Variants in IKZF2 observed in about 807,000 individuals in gnomAD.
IKZF2 encodes IKAROS family zinc finger 2.
IKZF2 carries 15 observed loss-of-function variants against 49.2 expected under a neutral mutation model. The observed-to-expected ratio is 0.30, with a 90% CI of 0.20 to 0.47. IKZF2 has a LOEUF of 0.47. IKZF2 is among the 20% of genes least tolerant of loss of function. The probability of loss-of-function intolerance (pLI) is 1.00; values close to 1 mark genes in which losing one functional copy is unlikely to be tolerated. For missense variants in IKZF2, 567 were observed against 664.6 expected, an observed-to-expected ratio of 0.85 and a Z score of 1.61; for synonymous variants, 227 against 221.4, an observed-to-expected ratio of 1.03 and a Z score of -0.23.
intron 4 of IKZF2, among the ~76,000 whole-genome samples, chr2:213,136,791 A>G (rs767600695): frequency 2.6e-5 from 4 of 152,220 alleles, no homozygotes; most frequent in Non-Finnish European, 5.9e-5. Context: ...AAAGTCAACT[A>G]TATCAAGTTT....
chr2:213,035,268 T>C (rs766297981), intron 6 of IKZF2, among the ~76,000 whole-genome samples: 2 of 152,004 alleles, frequency 1.3e-5, no homozygotes, highest in African/African-American at 2.4e-5. Context: ...TTTTTCCCTG[T>C]AGCAGTCAAC....
chr2:213,118,503 C>A (rs12989003), intron 4 of IKZF2, among the ~76,000 whole-genome samples: 2,424 of 152,192 alleles, frequency 0.016, 142 homozygotes, highest in East Asian at 0.11. Flanking sequence ...TATATTAAAA[C>A]AAAACAAAAG....
At chr2:213,024,380 T>A (rs1697568242) in intron 6 of IKZF2, among the ~76,000 whole-genome samples, 1 of 152,142 alleles carries the variant, frequency 6.6e-6, no homozygotes. Context: ...AAATGTAAAG[T>A]GGAAAACAAA....
chr2:213,151,079 A>G (rs989047245), intron 1 of IKZF2, among the ~76,000 whole-genome samples: 43 of 152,288 alleles, frequency 2.8e-4, no homozygotes, highest in African/African-American at 1.0e-3. Context: ...TTAACATCCC[A>G]GAAACAGATT....
At chr2:213,066,460 G>A (rs542811835) in intron 4 of IKZF2, among the ~76,000 whole-genome samples, 81 of 152,168 alleles carry the variant, frequency 5.3e-4, no homozygotes, top group African/African-American at 1.8e-3. Context: ...CATTGACATC[G>A]AGGCTACAAA....
chr2:213,125,712 A>G (rs564169505), intron 4 of IKZF2, among the ~76,000 whole-genome samples: 1 of 152,316 alleles, frequency 6.6e-6, no homozygotes, highest in African/African-American at 2.4e-5. Context: ...ACATAATAAC[A>G]AAAACATAGA....
intron 5 of IKZF2, among the ~76,000 whole-genome samples, chr2:213,050,668 C>T (rs974001186): frequency 3.9e-5 from 6 of 151,968 alleles, no homozygotes; most frequent in African/African-American, 1.2e-4. Flanking sequence ...ATCTTTTCTC[C>T]CCGTTTTTCT....
At chr2:213,140,481 C>T (rs2060826932) in intron 4 of IKZF2, among the ~76,000 whole-genome samples, 2 of 151,882 alleles carry the variant, frequency 1.3e-5, no homozygotes, top group African/African-American at 4.8e-5. Flanking sequence ...GTTTAGCTAA[C>T]AACCTGTAAT....
intron 6 of IKZF2, among the ~76,000 whole-genome samples, chr2:213,031,332 A>G (rs899138500): frequency 7.9e-5 from 12 of 152,220 alleles, no homozygotes; most frequent in Non-Finnish European, 1.3e-4. Flanking sequence ...CATTTGTTTT[A>G]TAATGTAATA....
At chr2:213,096,920 T>A (rs1168868675) in intron 4 of IKZF2, among the ~76,000 whole-genome samples, 1 of 152,046 alleles carries the variant, frequency 6.6e-6, no homozygotes, top group East Asian at 1.9e-4. Flanking sequence ...ATATGGTGAG[T>A]AAAACATGGT....
intron 4 of IKZF2, among the ~76,000 whole-genome samples, chr2:213,069,710 T>G (rs1574712681): frequency 6.6e-6 from 1 of 152,110 alleles, no homozygotes; most frequent in African/African-American, 2.4e-5. Flanking sequence ...GCCTTCCATT[T>G]TATCTCCTGT....
At chr2:213,129,492 G>T (rs1295090485) in intron 4 of IKZF2, among the ~76,000 whole-genome samples, 1 of 151,572 alleles carries the variant, frequency 6.6e-6, no homozygotes, top group East Asian at 1.9e-4. Flanking sequence ...AAAAGAAAAA[G>T]GGAAGAGGTA....
intron 6 of IKZF2, among the ~76,000 whole-genome samples, chr2:213,035,952 T>A (rs1398821036): frequency 6.6e-6 from 1 of 152,174 alleles, no homozygotes; most frequent in Non-Finnish European, 1.5e-5. Context: ...TCAGCTTTCA[T>A]GAGTATATTG....
chr2:213,042,479 G>C (rs1236380758), intron 6 of IKZF2, among the ~76,000 whole-genome samples: 1 of 152,166 alleles, frequency 6.6e-6, no homozygotes, highest in Non-Finnish European at 1.5e-5. Flanking sequence ...TAGTCACTAA[G>C]AGTCAGGTAT....
chr2:213,086,692 G>T (rs1268658059), intron 4 of IKZF2, among the ~76,000 whole-genome samples: 1 of 152,104 alleles, frequency 6.6e-6, no homozygotes, highest in Non-Finnish European at 1.5e-5. Flanking sequence ...CAAACAGTCA[G>T]GCACTAGTCC....
chr2:213,012,975 G>A (rs967196697), intron 8 of IKZF2, among the ~76,000 whole-genome samples: 2 of 151,770 alleles, frequency 1.3e-5, no homozygotes, highest in African/African-American at 2.4e-5. Flanking sequence ...CATGCTTTTT[G>A]TATCCTCAGA....
chr2:213,080,185 G>GATAGATAC lies in IKZF2; in HGVS notation c.140-23087_140-23086insGTATCTAT, dbSNP rs796384672. On this transcript the variant is annotated intron_variant, in intron 4 of 8. Coordinates refer to ENST00000434687, the MANE Select transcript of IKZF2 (RefSeq NM_001387220.1). ...TATTTAAAAAATCTATATAGAGATA[G>GATAGATAC]ATAGATAGATAGATAGATAGATATG... Among the ~76,000 whole-genome samples, 32 of 150,956 alleles carry GATAGATAC rather than the reference G, an allele frequency of 2.1e-4. 1 individual carries two copies. The East Asian group carries it at 6.0e-3, about 28-fold the overall frequency.
chr2:213,119,145 G>C (rs2059969344), intron 4 of IKZF2, among the ~76,000 whole-genome samples: 1 of 152,176 alleles, frequency 6.6e-6, no homozygotes, highest in South Asian at 2.1e-4. Flanking sequence ...TGAAAGGCAG[G>C]CAGGACTGAG....
intron 4 of IKZF2, among the ~76,000 whole-genome samples, chr2:213,091,748 T>C (rs934829948): frequency 2.6e-5 from 4 of 152,228 alleles, no homozygotes; most frequent in Middle Eastern, 3.4e-3. Flanking sequence ...AAAGAAAGAA[T>C]ATTCTATTTC....
Sources: gnomAD v4.1 joint callset for allele counts (sites outside exome capture counted in the v4.1 genomes callset) on GRCh38, gnomAD v4.1.1 for gene constraint, MANE v1.5 for transcripts, NCBI Gene and HGNC (gene_info 2026-07-23, HGNC 2026-07-21) for gene names.